The following GLB1L2 variants were observed in gnomAD, a reference collection of about 807,000 sequenced individuals.
GLB1L2 encodes the protein galactosidase beta 1 like 2.
Under a neutral mutation model 84.1 loss-of-function variants are expected in GLB1L2, and 68 were observed. The observed-to-expected ratio is 0.81, with a 90% CI of 0.67 to 0.99. GLB1L2 has a LOEUF of 0.99. Among genes scored for constraint, GLB1L2 ranks in the 50% least tolerant of loss-of-function variants. GLB1L2 has a pLI of 0.00. For missense variants in GLB1L2, 762 were observed against 805.6 expected (o/e 0.95, Z 0.66); for synonymous variants, 290 against 318.0 (o/e 0.91, Z 0.94).
At chr11:134,373,611 C>T (rs903417933) in intron 15 of GLB1L2, 110 bp from the exon 16 acceptor site, 43 of 704,308 alleles carry the variant, frequency 6.1e-5, no homozygotes, top group East Asian at 9.9e-5. Flanking sequence ...AGGGAGCGTA[C>T]ACTTCAGCAC....
intron 7 of GLB1L2, among the ~76,000 whole-genome samples, chr11:134,362,709 G>A (rs143055079): frequency 3.9e-5 from 6 of 152,302 alleles, no homozygotes; most frequent in East Asian, 1.9e-4. Context: ...TGCCACACAC[G>A]CCCACTCCCG....
chr11:134,357,296 G>A (rs552552365), intron 6 of GLB1L2, among the ~76,000 whole-genome samples: 1 of 152,346 alleles, frequency 6.6e-6, no homozygotes, highest in Non-Finnish European at 1.5e-5. Context: ...GTGGGAGACC[G>A]AGGCTCAGTC....
intron 2 of GLB1L2, among the ~76,000 whole-genome samples, chr11:134,344,152 C>T (rs1943510636): frequency 6.6e-6 from 1 of 152,216 alleles, no homozygotes; most frequent in Non-Finnish European, 1.5e-5. Context: ...GAGCGCCTGA[C>T]CTTTTACTCA....
intron 1 of GLB1L2, among the ~76,000 whole-genome samples, chr11:134,337,957 G>A (rs2136257161): frequency 6.6e-6 from 1 of 152,310 alleles, no homozygotes; most frequent in African/African-American, 2.4e-5. Flanking sequence ...TTATGTTATA[G>A]CATCAAAATA....
intron 5 of GLB1L2, among the ~76,000 whole-genome samples, chr11:134,352,646 CTTCT>C (rs539771053): frequency 0.023 from 3,430 of 147,994 alleles, 124 homozygotes; most frequent in African/African-American, 0.08. Flanking sequence ...CTCAATATGT[CTTCT>C]TTTTTTTTTT....
chr11:134,344,220 G>A (rs1418693650), intron 2 of GLB1L2, among the ~76,000 whole-genome samples, 167 bp from the exon 3 acceptor site: 2 of 152,172 alleles, frequency 1.3e-5, no homozygotes, highest in South Asian at 2.1e-4. Context: ...GCTTGCCCTC[G>A]ATTCTGGTCC....
chr11:134,362,299 A>G (rs1272167533), intron 7 of GLB1L2, among the ~76,000 whole-genome samples: 1 of 151,148 alleles, frequency 6.6e-6, no homozygotes, highest in Non-Finnish European at 1.5e-5. Context: ...GCTTTTTACA[A>G]AAGCGCTGCC....
intron 3 of GLB1L2, among the ~76,000 whole-genome samples, chr11:134,344,746 G>A (rs1470220491): frequency 6.6e-6 from 1 of 152,246 alleles, no homozygotes; most frequent in Non-Finnish European, 1.5e-5. Flanking sequence ...GCTGGGGCAG[G>A]GCGGCCCCTC....
chr11:134,370,229 G>T lies in GLB1L2; in HGVS notation c.1109-64G>T. On this transcript the variant is annotated intron_variant, in intron 11 of 18. Coordinates refer to ENST00000535456, the MANE Select transcript of GLB1L2 (RefSeq NM_001370461.1). The surrounding 1 kb of genome is among the most constrained non-coding windows in gnomAD (Gnocchi z 4.7). ...TCGGGTCTGTGGATGGGAGCCGGGT[G>T]GGGAGGACGAGCAGGCAGTGACATT... is the stretch of plus-strand genomic sequence containing the variant. 1 of 1,350,972 alleles carries T rather than the reference G, an allele frequency of 7.4e-7. No individual in the cohort carries two copies. The highest frequency in any genetic ancestry group is 1.1e-6 in the Non-Finnish European group (1 of 941,696). 83.7% of individuals were successfully genotyped at this position (1,350,972 alleles called of 1,614,324 possible).
At position 134,332,074 on chromosome 11, in the gene GLB1L2, A is replaced by C; in HGVS notation, c.13A>C (p.Ser5Arg). 1 of 1,582,082 alleles carries C rather than the reference A, an allele frequency of 6.3e-7. No homozygotes were observed. Among genetic ancestry groups the C allele is most frequent in the Non-Finnish European group, 8.6e-7 (1 of 1,166,082 alleles). Residue 5 changes from serine (S) to arginine (R), a missense_variant, in exon 1 of 19, where the codon AGC becomes CGC. Physicochemically the swap from Ser to Arg is moderately radical, Grantham distance 110. This residue lies in a region of GLB1L2 where 100 missense variants were observed against 88.8 expected (regional missense o/e 1.13). Coordinates refer to ENST00000535456, the MANE Select transcript of GLB1L2 (RefSeq NM_001370461.1). Reference protein sequence around the residue: MTTWSLRRRPARTLG... With the variant: MTTWRLRRRPARTLG... Reference sequence around the variant, plus strand: ...TAGAGAACACGCGATGACCACGTGGAGCCTCCGGCGGAGGCCGGCCCGCAC... The same window carrying C: ...TAGAGAACACGCGATGACCACGTGGCGCCTCCGGCGGAGGCCGGCCCGCAC...
intron 7 of GLB1L2, chr11:134,361,220 G>C (rs1222222926): frequency 6.6e-6 from 1 of 152,278 alleles, no homozygotes; most frequent in East Asian, 1.9e-4. Flanking sequence ...CAGCTACTTG[G>C]GAGGCTGAGG....
intron 1 of GLB1L2, among the ~76,000 whole-genome samples, chr11:134,340,884 C>T (rs1943452157): frequency 6.6e-6 from 1 of 152,200 alleles, no homozygotes; most frequent in Non-Finnish European, 1.5e-5. Flanking sequence ...GAAAGCTATC[C>T]TCAGCTTGCA....
chr11:134,344,400 A>C lies in GLB1L2; in HGVS notation c.298A>C (p.Asn100His), dbSNP rs755079868. The part of the protein sequence containing the change: ...LNTLTTYVPW[N>H]LHEPERGKFD... ...TTTCTGTTGCAGCTATGTTCCGTGG[A>C]ACCTGCATGAGCCAGAAAGAGGCAA... The change falls in exon 3 of 19, where the codon AAC (asparagine) becomes CAC (histidine). Residue 100 changes from asparagine to histidine, a missense_variant. By Grantham distance (68) the Asn-to-His change is moderately conservative. Around this residue, in one of 3 missense-constraint regions of GLB1L2, gnomAD observed 59 missense variants for 105.1 expected, o/e 0.56. Transcript: ENST00000535456. 1.2e-6 allele frequency: 2 copies of C among 1,613,586 alleles called. No individual in the cohort carries two copies. The highest frequency in any genetic ancestry group is 1.7e-6 in the Non-Finnish European group (2 of 1,180,032).
chr11:134,370,368 C>G lies in GLB1L2; in HGVS notation c.1184C>G (p.Ser395Cys). 2 of 1,613,886 alleles carry G rather than the reference C, an allele frequency of 1.2e-6. No homozygotes were observed. The highest frequency in any genetic ancestry group is 1.7e-6 in the Non-Finnish European group (2 of 1,179,976). The change falls in exon 12 of 19, where the codon TCT (serine) becomes TGT (cysteine). Residue 395 changes from serine (S) to cysteine (C), a missense_variant. Ser to Cys is a moderately radical substitution (Grantham distance 112, BLOSUM62 -1). Coordinates refer to ENST00000535456, the MANE Select transcript of GLB1L2 (RefSeq NM_001370461.1). The surrounding 1 kb of genome is among the most constrained non-coding windows in gnomAD (Gnocchi z 4.7). ...CCCTTAACGCCAGTCTTGTACCTGT[C>G]TCTGTGGGACGCCCTCAAGTACCTG... ...YEPLTPVLYL[S>C]LWDALKYLGE... is the part of the protein sequence containing the mutation.
intron 7 of GLB1L2, among the ~76,000 whole-genome samples, chr11:134,361,980 C>T (rs964488322): frequency 5.3e-5 from 8 of 152,190 alleles, no homozygotes; most frequent in Non-Finnish European, 1.2e-4. Context: ...ATCCGGGGAG[C>T]GGCCCAGTTA....
At chr11:134,359,026 G>C in intron 6 of GLB1L2, 34 bp from the exon 7 acceptor site, 1 of 1,510,380 alleles carries the variant, frequency 6.6e-7, no homozygotes, top group Non-Finnish European at 9.0e-7. Context: ...TAAGGAGCCA[G>C]GGCAGACGAG....
chr11:134,371,552 G>A (rs2136289651), intron 14 of GLB1L2, 60 bp downstream of exon 14: 1 of 1,135,802 alleles, frequency 8.8e-7, no homozygotes, highest in Admixed American at 1.7e-5. Flanking sequence ...GAAGTCTGGG[G>A]GCAGTCACTG....
At chr11:134,337,014 G>T (rs1446993736) in intron 1 of GLB1L2, among the ~76,000 whole-genome samples, 1 of 152,190 alleles carries the variant, frequency 6.6e-6, no homozygotes, top group Non-Finnish European at 1.5e-5. Flanking sequence ...TGGTTGATTA[G>T]AGTGAGGGGT....
At chr11:134,356,999 A>C (rs1943712050) in intron 6 of GLB1L2, among the ~76,000 whole-genome samples, 1 of 152,216 alleles carries the variant, frequency 6.6e-6, no homozygotes, top group African/African-American at 2.4e-5. Flanking sequence ...ATAAAGTGTG[A>C]CTAATAGGAG....
Sources: allele counts gnomAD v4.1 joint callset (sites outside exome capture counted in the v4.1 genomes callset), GRCh38; gene constraint gnomAD v4.1.1; regional missense constraint gnomAD v4.1.1; non-coding constraint Gnocchi (gnomAD v3.1); transcripts MANE v1.5; gene names NCBI Gene and HGNC (gene_info 2026-07-23, HGNC 2026-07-21).